POLA1: variants seen among roughly 807,000 people sequenced by gnomAD.
The protein encoded by POLA1 is DNA polymerase alpha catalytic subunit.
Under a neutral mutation model 124.0 loss-of-function variants are expected in POLA1, and 15 were observed. The observed-to-expected ratio is 0.12, with a 90% CI of 0.08 to 0.19. The LOEUF (loss-of-function observed/expected upper bound fraction) is 0.19, where lower values mean the gene tolerates loss of function less well. Among genes scored for constraint, POLA1 ranks in the 10% least tolerant of loss-of-function variants. The probability of loss-of-function intolerance (pLI) is 1.00; values close to 1 mark genes in which losing one functional copy is unlikely to be tolerated. For synonymous variants in POLA1, 408 were observed against 389.4 expected (o/e 1.05, Z -0.56); for missense variants, 886 against 1,103.4 (o/e 0.80, Z 2.79).
chrX:24,714,751 C>T (rs750074091), intron 5 of POLA1, 82 bp downstream of exon 5: 10 of 541,167 alleles, frequency 1.8e-5, no homozygotes, highest in Middle Eastern at 5.1e-4. Flanking sequence ...AACAGGTGCT[C>T]TGTATATATT....
At chrX:24,738,477 TAAAA>T (rs1179096946) in intron 19 of POLA1, among the ~76,000 whole-genome samples, 1 of 104,560 alleles carries the variant, frequency 9.6e-6, no homozygotes, top group African/African-American at 3.5e-5. Flanking sequence ...TATCTTGTAA[TAAAA>T]AAAAAAGGAA....
chrX:24,700,033 T>C (rs1469457096), intron 2 of POLA1, among the ~76,000 whole-genome samples: 2 of 101,309 alleles, frequency 2.0e-5, no homozygotes, highest in Non-Finnish European at 4.0e-5. Context: ...GCTCTTTTGG[T>C]TTTCCTCTAC....
chrX:24,790,588 G>A (rs182331484), intron 26 of POLA1, among the ~76,000 whole-genome samples: 121 of 110,925 alleles, frequency 1.1e-3, no homozygotes, highest in African/African-American at 3.8e-3. Context: ...CTTAGATGTC[G>A]TCAGTTTGGC....
intron 26 of POLA1, among the ~76,000 whole-genome samples, chrX:24,785,849 C>T (rs1216268193): frequency 9.0e-6 from 1 of 111,647 alleles, no homozygotes. Context: ...CTTTGGCCAA[C>T]GTCTTCTCAT....
chrX:24,934,660 C>T (rs757168828), intron 36 of POLA1, among the ~76,000 whole-genome samples: 23 of 112,269 alleles, frequency 2.0e-4, no homozygotes, highest in Middle Eastern at 9.2e-3. Context: ...GGTGGCTTAA[C>T]TATATTTCCT....
At chrX:24,721,329 C>T (rs1930188365) in intron 10 of POLA1, among the ~76,000 whole-genome samples, 1 of 111,990 alleles carries the variant, frequency 8.9e-6, no homozygotes, top group African/African-American at 3.2e-5. Context: ...TCAGTCCACT[C>T]TGCTGTTCTG....
At chrX:24,875,995 T>C (rs1296935545) in intron 34 of POLA1, among the ~76,000 whole-genome samples, 1 of 112,400 alleles carries the variant, frequency 8.9e-6, no homozygotes, top group Non-Finnish European at 1.9e-5. Flanking sequence ...TACTATAAAA[T>C]AGAACCTACC....
intron 18 of POLA1, among the ~76,000 whole-genome samples, chrX:24,736,897 A>C (rs1931310402): frequency 8.9e-6 from 1 of 112,134 alleles, no homozygotes; most frequent in Admixed American, 9.5e-5. Flanking sequence ...TTTTTAATTA[A>C]GTTTAATAAC....
chrX:24,695,649 TG>T (rs774471520), intron 1 of POLA1, among the ~76,000 whole-genome samples: 9 of 110,804 alleles, frequency 8.1e-5, no homozygotes, highest in African/African-American at 3.0e-4. Flanking sequence ...GCTAATTTTT[TG>T]TATTTTCAGT....
At chrX:24,709,926 G>T (rs1392012133) in intron 4 of POLA1, among the ~76,000 whole-genome samples, 2 of 74,857 alleles carry the variant, frequency 2.7e-5, no homozygotes, top group African/African-American at 1.0e-4. Context: ...AGGCAGAGGG[G>T]CTCCTCACAT....
rs1385647789 is a variant in POLA1, at chrX:24,823,857, A to G, written c.3561+2274A>G. ...TGATAACTTATTCAGATGGGTTCAG[A>G]GAGTAATGTTTTTGGTATGTAATTT... On this transcript the variant is annotated intron_variant, in intron 31 of 36. Coordinates refer to ENST00000379068, the MANE Select transcript of POLA1 (RefSeq NM_001330360.2). Among the ~76,000 whole-genome samples, 12 of 112,601 alleles carry G rather than the reference A, an allele frequency of 1.1e-4. No individual in the cohort carries two copies. The Admixed American group carries it at 1.1e-3, about 11-fold the overall frequency.
At chrX:24,978,293 A>T (rs973094180) in intron 36 of POLA1, among the ~76,000 whole-genome samples, 22 of 111,986 alleles carry the variant, frequency 2.0e-4, no homozygotes, top group Non-Finnish European at 3.4e-4. Context: ...TAAGAGGGAA[A>T]TGTCCACTTC....
chrX:24,843,784 C>A, intron 34 of POLA1, 107 bp downstream of exon 34: 1 of 450,893 alleles, frequency 2.2e-6, no homozygotes, highest in Non-Finnish European at 3.5e-6. Flanking sequence ...GGGAAAAATT[C>A]CTAGTGAAAT....
chrX:24,713,424 T>G (rs1929607341), intron 4 of POLA1, among the ~76,000 whole-genome samples: 1 of 111,418 alleles, frequency 9.0e-6, no homozygotes, highest in Admixed American at 9.5e-5. Context: ...TTGTTTGTTT[T>G]TTTTCTTTTT....
At chrX:24,915,039 C>T (rs1317796146) in intron 35 of POLA1, among the ~76,000 whole-genome samples, 1 of 111,807 alleles carries the variant, frequency 8.9e-6, no homozygotes, top group Non-Finnish European at 1.9e-5. Context: ...ATTTTGCATT[C>T]ACAAATGTTA....
chrX:24,739,845 A>G (rs771859177), intron 20 of POLA1, among the ~76,000 whole-genome samples: 1 of 112,359 alleles, frequency 8.9e-6, no homozygotes, highest in East Asian at 2.8e-4. Context: ...TTTTAGAAAT[A>G]TAAAAACTGA....
At chrX:24,729,380 T>G (rs1930749456) in intron 15 of POLA1, among the ~76,000 whole-genome samples, 1 of 111,905 alleles carries the variant, frequency 8.9e-6, no homozygotes, top group South Asian at 3.8e-4. Flanking sequence ...GTGTATAAAA[T>G]TACCCCCAGT....
intron 6 of POLA1, 123 bp downstream of exon 6, chrX:24,715,326 CT>C: frequency 2.3e-6 from 1 of 435,408 alleles, no homozygotes; most frequent in East Asian, 4.0e-5. Context: ...GTAGCTTGCA[CT>C]GTTGCCCAGG....
intron 36 of POLA1, among the ~76,000 whole-genome samples, chrX:24,949,980 C>T (rs751217937): frequency 9.0e-6 from 1 of 111,284 alleles, no homozygotes; most frequent in South Asian, 3.8e-4. Flanking sequence ...GATCCGCCCA[C>T]CTCGGCCTCC....
Sources: gnomAD v4.1 joint callset for allele counts (sites outside exome capture counted in the v4.1 genomes callset) on GRCh38, gnomAD v4.1.1 for gene constraint, MANE v1.5 for transcripts, NCBI Gene and HGNC (gene_info 2026-07-23, HGNC 2026-07-21) for gene names.